HMGCLL1: variants seen among roughly 807,000 people sequenced by gnomAD.
HMGCLL1 encodes 3-hydroxy-3-methylglutaryl-CoA lyase like 1.
A neutral mutation model predicts 39.1 loss-of-function variants in HMGCLL1; 36 were observed. The ratio of observed to expected loss-of-function variants is 0.92; its 90% CI spans 0.71 to 1.22. HMGCLL1 has a LOEUF of 1.22. HMGCLL1 is among the 50% of genes most tolerant of loss of function. The pLI is 0.00. For missense variants in HMGCLL1, 451 were observed against 416.5 expected (o/e 1.08, Z -0.72); for synonymous variants, 149 against 144.0 (o/e 1.03, Z -0.25).
At chr6:55,484,791 T>C (rs894805138) in intron 7 of HMGCLL1, among the ~76,000 whole-genome samples, 4 of 152,178 alleles carry the variant, frequency 2.6e-5, no homozygotes, top group African/African-American at 9.7e-5. Context: ...ACTATTGCAA[T>C]TGCATTATTT....
intron 7 of HMGCLL1, among the ~76,000 whole-genome samples, chr6:55,486,996 A>T (rs1173755989): frequency 6.6e-6 from 1 of 151,842 alleles, no homozygotes; most frequent in Non-Finnish European, 1.5e-5. Flanking sequence ...GAGGGAACTA[A>T]TTCTATTCAT....
At chr6:55,624,259 A>G in the HMGCLL1 span, among the ~76,000 whole-genome samples, 1 of 151,988 alleles carries the variant, frequency 6.6e-6, no homozygotes, top group Admixed American at 6.6e-5. Flanking sequence ...CAGAAGACAG[A>G]TAGATCTTGG....
chr6:55,473,289 T>C (rs1765126301), intron 7 of HMGCLL1, among the ~76,000 whole-genome samples: 1 of 151,530 alleles, frequency 6.6e-6, no homozygotes, highest in South Asian at 2.1e-4. Context: ...TATTTATAAA[T>C]GTATTACAGT....
chr6:55,571,378 T>C (rs1375783669), intron 1 of HMGCLL1, among the ~76,000 whole-genome samples: 1 of 152,184 alleles, frequency 6.6e-6, no homozygotes, highest in Non-Finnish European at 1.5e-5. Context: ...TTAAAATATA[T>C]ATTTTGCTCT....
intron 8 of HMGCLL1, among the ~76,000 whole-genome samples, chr6:55,436,516 G>T (rs1763378144): frequency 6.6e-6 from 1 of 151,940 alleles, no homozygotes; most frequent in Non-Finnish European, 1.5e-5. Flanking sequence ...CACTTTTGTT[G>T]TCACCGGAGG....
chr6:55,654,682 G>A, the HMGCLL1 span, among the ~76,000 whole-genome samples: 12 of 151,690 alleles, frequency 7.9e-5, no homozygotes, highest in Non-Finnish European at 1.5e-4. Flanking sequence ...TGTCCAAATG[G>A]GTACCTGGAA....
At chr6:55,647,498 A>G in the HMGCLL1 span, among the ~76,000 whole-genome samples, 1 of 151,736 alleles carries the variant, frequency 6.6e-6, no homozygotes, top group African/African-American at 2.4e-5. Context: ...CTTTTAGTGA[A>G]GATAATTTTC....
intron 6 of HMGCLL1, among the ~76,000 whole-genome samples, chr6:55,498,435 A>G (rs188119175): frequency 1.4e-3 from 211 of 152,248 alleles, no homozygotes; most frequent in Non-Finnish European, 2.0e-3. Flanking sequence ...AAAAGTTCAA[A>G]TGAAAGCACA....
At chr6:55,644,791 A>T in the HMGCLL1 span, among the ~76,000 whole-genome samples, 1 of 151,776 alleles carries the variant, frequency 6.6e-6, no homozygotes, top group Non-Finnish European at 1.5e-5. Flanking sequence ...TGCTGTTTTG[A>T]TTACTATAAC....
intron 1 of HMGCLL1, among the ~76,000 whole-genome samples, chr6:55,560,050 G>C (rs1770867189): frequency 6.6e-6 from 1 of 152,182 alleles, no homozygotes; most frequent in African/African-American, 2.4e-5. Context: ...ACAATTGAGA[G>C]TGGAAAGTGT....
At chr6:55,517,851 G>A (rs1421810820) in intron 3 of HMGCLL1, among the ~76,000 whole-genome samples, 1 of 151,964 alleles carries the variant, frequency 6.6e-6, no homozygotes, top group Admixed American at 6.6e-5. Context: ...AAGATGCAAA[G>A]AAGTACCTTC....
intron 7 of HMGCLL1, among the ~76,000 whole-genome samples, chr6:55,473,300 C>G (rs1765126696): frequency 6.6e-6 from 1 of 151,432 alleles, no homozygotes; most frequent in Non-Finnish European, 1.5e-5. Flanking sequence ...GTATTACAGT[C>G]ATTACATTCT....
the HMGCLL1 span, among the ~76,000 whole-genome samples, chr6:55,651,363 T>A: frequency 3.3e-5 from 5 of 152,090 alleles, no homozygotes; most frequent in Non-Finnish European, 7.4e-5. Flanking sequence ...GCCAAGCCTG[T>A]GTCTAGAAAT....
chr6:55,612,148 A>G, the HMGCLL1 span, among the ~76,000 whole-genome samples: 8 of 152,148 alleles, frequency 5.3e-5, no homozygotes, highest in African/African-American at 1.9e-4. Context: ...ATTCCTATAC[A>G]CCAACAACAG....
the HMGCLL1 span, among the ~76,000 whole-genome samples, chr6:55,594,492 T>C: frequency 6.6e-6 from 1 of 152,246 alleles, no homozygotes; most frequent in African/African-American, 2.4e-5. Flanking sequence ...TTCTTGAGTG[T>C]GTGAAACATT....
intron 7 of HMGCLL1, among the ~76,000 whole-genome samples, chr6:55,456,199 A>G (rs898677902): frequency 6.6e-6 from 1 of 152,214 alleles, no homozygotes; most frequent in Non-Finnish European, 1.5e-5. Flanking sequence ...CTCATTGAGG[A>G]GTGCCAAACC....
the HMGCLL1 span, among the ~76,000 whole-genome samples, chr6:55,628,305 T>G: frequency 1.4e-5 from 2 of 142,740 alleles, no homozygotes; most frequent in African/African-American, 5.2e-5. Flanking sequence ...TTTAATTTAA[T>G]TTATTTATTT....
chr6:55,542,066 ATTC>A lies in HMGCLL1; in HGVS notation c.180_182del (p.Gln60_Asn61delinsHis). 1 of 1,595,350 alleles carries A rather than the reference ATTC, an allele frequency of 6.3e-7. No individual in the cohort carries two copies. Among genetic ancestry groups the A allele is most frequent in the Non-Finnish European group, 8.6e-7 (1 of 1,164,796 alleles). On this transcript the variant is annotated inframe_deletion, in exon 2 of 9. Coordinates refer to ENST00000274901, the MANE Select transcript of HMGCLL1 (RefSeq NM_001042406.2). ...GTAAATGATGTAAAACTACCTTTTC[ATTC>A]TGCAATCCATCCCTAGGCCCAACTT...
the HMGCLL1 span, among the ~76,000 whole-genome samples, chr6:55,605,509 T>A: frequency 6.6e-6 from 1 of 152,194 alleles, no homozygotes; most frequent in Non-Finnish European, 1.5e-5. Context: ...TTGTAATATA[T>A]TTATAGATAT....
Sources: gnomAD v4.1 joint callset for allele counts (sites outside exome capture counted in the v4.1 genomes callset) on GRCh38, gnomAD v4.1.1 for gene constraint, MANE v1.5 for transcripts, NCBI Gene and HGNC (gene_info 2026-07-23, HGNC 2026-07-21) for gene names.